Variants in SLC35F1 observed in about 807,000 individuals in gnomAD.
The protein encoded by SLC35F1 is chromosome 6 open reading frame 169.
SLC35F1 carries 14 observed loss-of-function variants against 48.7 expected under a neutral mutation model. The ratio of observed to expected loss-of-function variants is 0.29; its 90% CI spans 0.19 to 0.45. The LOEUF (loss-of-function observed/expected upper bound fraction) is 0.45, where lower values mean the gene tolerates loss of function less well. Among genes scored for constraint, SLC35F1 ranks in the 20% least tolerant of loss-of-function variants. The pLI, the probability that SLC35F1 is intolerant of heterozygous loss-of-function variation, is 1.00. For missense variants in SLC35F1, 404 were observed against 500.0 expected, an observed-to-expected ratio of 0.81 and a Z score of 1.83; for synonymous variants, 190 against 202.2, an observed-to-expected ratio of 0.94 and a Z score of 0.51.
intron 1 of SLC35F1, among the ~76,000 whole-genome samples, chr6:118,041,050 C>T (rs994645388): frequency 6.6e-6 from 1 of 151,984 alleles, no homozygotes; most frequent in African/African-American, 2.4e-5. Flanking sequence ...ATGAAAAAGA[C>T]TTAAATGTTC....
rs531232097 is a variant in SLC35F1, at chr6:118,077,324, T to C, written c.174-77121T>C. On this transcript the variant is annotated intron_variant, in intron 1 of 7. Coordinates refer to ENST00000360388, the MANE Select transcript of SLC35F1 (RefSeq NM_001029858.4). ...ACATACACAGGCAGTAGAAGATCCA[T>C]GTAGAACTCCTGAACTCTTTTGTTG... 1.2e-3 allele frequency among the ~76,000 whole-genome samples: 190 copies of C among 152,306 alleles called. 1 individual carries two copies. Among genetic ancestry groups the C allele is most frequent in the Non-Finnish European group, 2.0e-3 (135 of 68,040 alleles).
In SLC35F1 at chr6:118,235,606, T is replaced by A. The variant is rs1418134352; in HGVS notation, c.447T>A (p.Ala149=). The A allele has an allele frequency of 1.2e-6, 2 of 1,613,548 alleles. No homozygotes were observed. Among genetic ancestry groups the A allele is most frequent in the Non-Finnish European group, 8.5e-7 (1 of 1,179,664 alleles). The change falls in exon 3 of 8, where the codon GCT becomes GCA. Residue 149 remains alanine, a synonymous_variant. Coordinates refer to ENST00000360388, the MANE Select transcript of SLC35F1 (RefSeq NM_001029858.4). The part of the protein sequence containing the change: ...DLEANYLVVK[A]YQYTTLTSIQ... The stretch of plus-strand genomic sequence containing the variant: ...AAGCAAATTATCTGGTGGTCAAGGC[T>A]TACCAATACACAACTCTGACCAGTA...
rs574657330 is a variant in SLC35F1, at chr6:117,970,848, A to G, written c.173+62949A>G. Among the ~76,000 whole-genome samples, 60 of 152,272 alleles carry G rather than the reference A, an allele frequency of 3.9e-4. No homozygotes were observed. In the Middle Eastern group the frequency reaches 0.02, roughly 52 times the overall value. ...AATTAGTTCCTACTGGGTCCCTTTC[A>G]CGACATGTAGGGATTATGGGAACTA... On this transcript the variant is annotated intron_variant, in intron 1 of 7. Coordinates refer to ENST00000360388, the MANE Select transcript of SLC35F1 (RefSeq NM_001029858.4).
chr6:118,189,976 CTAAGT>C (rs1294057459), intron 2 of SLC35F1, among the ~76,000 whole-genome samples: 2 of 152,192 alleles, frequency 1.3e-5, no homozygotes. Flanking sequence ...GCACATACTG[CTAAGT>C]TAAGTTTTCA....
At chr6:118,033,886 C>G (rs956066354) in intron 1 of SLC35F1, among the ~76,000 whole-genome samples, 4 of 152,166 alleles carry the variant, frequency 2.6e-5, no homozygotes, top group Non-Finnish European at 5.9e-5. Flanking sequence ...TGCTGGCCAC[C>G]TTGTTCATCG....
chr6:118,114,410 C>G (rs1773449299), intron 1 of SLC35F1, among the ~76,000 whole-genome samples: 1 of 152,106 alleles, frequency 6.6e-6, no homozygotes, highest in South Asian at 2.1e-4. Context: ...AGCTTCACAT[C>G]AAAGCTATTT....
At chr6:118,159,429 C>G (rs1774194790) in intron 2 of SLC35F1, among the ~76,000 whole-genome samples, 1 of 151,950 alleles carries the variant, frequency 6.6e-6, no homozygotes, top group Admixed American at 6.6e-5. Context: ...TTAAAATGTA[C>G]CCACTGAAAT....
intron 1 of SLC35F1, among the ~76,000 whole-genome samples, chr6:118,125,528 A>G (rs1166701309): frequency 1.3e-5 from 2 of 152,176 alleles, no homozygotes; most frequent in Non-Finnish European, 2.9e-5. Context: ...GGCCCTGTTT[A>G]TTTGTGAGCA....
At chr6:118,308,724 ATG>A (rs1267777984) in intron 7 of SLC35F1, among the ~76,000 whole-genome samples, 1 of 152,254 alleles carries the variant, frequency 6.6e-6, no homozygotes, top group Non-Finnish European at 1.5e-5. Flanking sequence ...TCCTTCATAT[ATG>A]CGAAATACCT....
At chr6:117,916,304 T>C (rs1775825062) in intron 1 of SLC35F1, among the ~76,000 whole-genome samples, 1 of 152,246 alleles carries the variant, frequency 6.6e-6, no homozygotes, top group African/African-American at 2.4e-5. Context: ...AATTGATTTT[T>C]ATTGTATTTC....
At chr6:118,090,061 G>T (rs1234240355) in intron 1 of SLC35F1, among the ~76,000 whole-genome samples, 1 of 152,188 alleles carries the variant, frequency 6.6e-6, no homozygotes, top group African/African-American at 2.4e-5. Context: ...GAGTAAGAAT[G>T]GGTGTTTAGA....
chr6:118,030,310 A>G (rs955738980), intron 1 of SLC35F1, among the ~76,000 whole-genome samples: 2 of 152,166 alleles, frequency 1.3e-5, no homozygotes, highest in African/African-American at 4.8e-5. Flanking sequence ...TGGGGCATTG[A>G]CTTGAGATTG....
intron 2 of SLC35F1, among the ~76,000 whole-genome samples, chr6:118,158,265 C>A (rs755529683): frequency 1.3e-5 from 2 of 152,124 alleles, no homozygotes; most frequent in Non-Finnish European, 2.9e-5. Context: ...TGGAAATGAA[C>A]ATAATAATTA....
chr6:118,139,776 G>A (rs1773855320), intron 1 of SLC35F1, among the ~76,000 whole-genome samples: 1 of 152,166 alleles, frequency 6.6e-6, no homozygotes, highest in Non-Finnish European at 1.5e-5. Context: ...TGTGCTCTTG[G>A]TTTACCAGTC....
At chr6:118,083,602 C>T (rs1772943450) in intron 1 of SLC35F1, among the ~76,000 whole-genome samples, 1 of 152,190 alleles carries the variant, frequency 6.6e-6, no homozygotes, top group African/African-American at 2.4e-5. Context: ...GTGATGCTCT[C>T]ATGTCACTAT....
At chr6:118,256,622 C>A (rs1170937655) in intron 3 of SLC35F1, among the ~76,000 whole-genome samples, 1 of 151,960 alleles carries the variant, frequency 6.6e-6, no homozygotes, top group East Asian at 1.9e-4. Context: ...TTAAAATAAA[C>A]CATCAGCTTC....
At chr6:118,078,728 A>T (rs1772860943) in intron 1 of SLC35F1, among the ~76,000 whole-genome samples, 1 of 152,130 alleles carries the variant, frequency 6.6e-6, no homozygotes, top group African/African-American at 2.4e-5. Context: ...CCTCCACACC[A>T]AGATGGTGTC....
At chr6:118,235,370 A>T in intron 2 of SLC35F1, 139 bp from the exon 3 acceptor site, 1 of 862,166 alleles carries the variant, frequency 1.2e-6, no homozygotes, top group Non-Finnish European at 1.7e-6. Flanking sequence ...GGTATCTGAT[A>T]CGTTGATTTA....
intron 1 of SLC35F1, among the ~76,000 whole-genome samples, chr6:118,089,755 G>A (rs760565445): frequency 3.3e-5 from 5 of 152,168 alleles, no homozygotes; most frequent in Non-Finnish European, 7.3e-5. Flanking sequence ...CATGACTTTG[G>A]ATCTTGGGGA....
Sources: allele counts gnomAD v4.1 joint callset (sites outside exome capture counted in the v4.1 genomes callset), GRCh38; gene constraint gnomAD v4.1.1; transcripts MANE v1.5; gene names NCBI Gene and HGNC (gene_info 2026-07-23, HGNC 2026-07-21).